PRKAG2: variants seen among roughly 807,000 people sequenced by gnomAD.
PRKAG2 encodes the protein protein kinase AMP-activated non-catalytic subunit gamma 2, also known as 5'-AMP-activated protein kinase subunit gamma-2.
In PRKAG2, 26 loss-of-function variants were observed where a neutral mutation model predicts 69.6. The ratio of observed to expected loss-of-function variants is 0.37; its 90% CI spans 0.27 to 0.52. PRKAG2 has a LOEUF of 0.52. Ranked by LOEUF, PRKAG2 falls within the 20% of genes least tolerant of loss-of-function variation. PRKAG2 has a pLI of 0.90. For missense variants in PRKAG2, 557 were observed against 740.0 expected, an observed-to-expected ratio of 0.75 and a Z score of 2.87; for synonymous variants, 293 against 285.0, an observed-to-expected ratio of 1.03 and a Z score of -0.28.
intron 1 of PRKAG2, among the ~76,000 whole-genome samples, chr7:151,791,851 T>G (rs1472141081): frequency 6.6e-6 from 1 of 152,136 alleles, no homozygotes; most frequent in Admixed American, 6.5e-5. Context: ...TAGTATGTCC[T>G]TCTGAAATCT....
At chr7:151,834,606 A>T (rs2079105927) in intron 1 of PRKAG2, among the ~76,000 whole-genome samples, 1 of 152,204 alleles carries the variant, frequency 6.6e-6, no homozygotes, top group Non-Finnish European at 1.5e-5. Flanking sequence ...GGGAGGAGGA[A>T]CACCCAGCAC....
chr7:151,749,693 A>G (rs138641151), intron 3 of PRKAG2, among the ~76,000 whole-genome samples: 3 of 152,318 alleles, frequency 2.0e-5, no homozygotes, highest in African/African-American at 4.8e-5. Context: ...CAGGTGGCCA[A>G]AAGGTACAAG....
intron 1 of PRKAG2, among the ~76,000 whole-genome samples, chr7:151,794,897 G>A (rs1237711228): frequency 2.0e-5 from 3 of 152,226 alleles, no homozygotes; most frequent in Admixed American, 6.5e-5. Context: ...CTCCATGGAA[G>A]CTTGGAGGGA....
intron 3 of PRKAG2, among the ~76,000 whole-genome samples, chr7:151,677,020 C>A (rs1471142919): frequency 6.6e-6 from 1 of 152,206 alleles, no homozygotes; most frequent in African/African-American, 2.4e-5. Flanking sequence ...GCGCTGCCAA[C>A]ACCTCGATTT....
chr7:151,816,595 C>G (rs888424732), intron 1 of PRKAG2, among the ~76,000 whole-genome samples: 1 of 152,242 alleles, frequency 6.6e-6, no homozygotes, highest in African/African-American at 2.4e-5. Flanking sequence ...CGGGATTATT[C>G]TGGAACCAGA....
chr7:151,610,175 C>T (rs1346362175), intron 5 of PRKAG2, among the ~76,000 whole-genome samples: 1 of 152,070 alleles, frequency 6.6e-6, no homozygotes, highest in African/African-American at 2.4e-5. Flanking sequence ...ACCATCCTGG[C>T]TAACACGGTG....
chr7:151,786,398 T>A (rs925913599), intron 2 of PRKAG2, 72 bp downstream of exon 2: 67 of 1,418,136 alleles, frequency 4.7e-5, no homozygotes, highest in Non-Finnish European at 6.4e-5. Context: ...CAGGTGGAAG[T>A]GGGCTCAGGC....
chr7:151,825,576 A>G (rs753893333), intron 1 of PRKAG2, among the ~76,000 whole-genome samples: 14 of 152,190 alleles, frequency 9.2e-5, no homozygotes, highest in Non-Finnish European at 1.6e-4. Context: ...GATGAAGCAC[A>G]AGTCTCCGCC....
At chr7:151,724,415 C>T (rs1202323965) in intron 3 of PRKAG2, among the ~76,000 whole-genome samples, 1 of 152,114 alleles carries the variant, frequency 6.6e-6, no homozygotes, top group Non-Finnish European at 1.5e-5. Flanking sequence ...TGCTGTCCCT[C>T]AGAGGTTGCA....
intron 3 of PRKAG2, among the ~76,000 whole-genome samples, chr7:151,729,797 G>A (rs1438700478): frequency 2.6e-5 from 4 of 152,128 alleles, no homozygotes; most frequent in Non-Finnish European, 4.4e-5. Context: ...TCTCGGAAGG[G>A]TCTGAGCACA....
chr7:151,790,991 G>A (rs560524227), intron 1 of PRKAG2, among the ~76,000 whole-genome samples: 9 of 152,370 alleles, frequency 5.9e-5, no homozygotes, highest in African/African-American at 2.2e-4. Context: ...TCCCACGCAG[G>A]TGTCTCGGGC....
intron 1 of PRKAG2, among the ~76,000 whole-genome samples, chr7:151,813,004 G>GC (rs1472774471): frequency 6.6e-6 from 1 of 151,914 alleles, no homozygotes; most frequent in Non-Finnish European, 1.5e-5. Flanking sequence ...GCAAGTTGGG[G>GC]AAGCAGCTGG....
At chr7:151,829,935 C>A (rs1402478327) in intron 1 of PRKAG2, among the ~76,000 whole-genome samples, 2 of 151,730 alleles carry the variant, frequency 1.3e-5, no homozygotes, top group Non-Finnish European at 2.9e-5. Flanking sequence ...GGCGCAGACA[C>A]CCCCCTGAGG....
chr7:151,694,260 T>C (rs539033389), intron 3 of PRKAG2, among the ~76,000 whole-genome samples: 1 of 152,378 alleles, frequency 6.6e-6, no homozygotes, highest in Non-Finnish European at 1.5e-5. Context: ...GCTAATTTGT[T>C]GATCCAAACA....
At chr7:151,852,361 A>C (rs867895573) in intron 1 of PRKAG2, among the ~76,000 whole-genome samples, 1 of 152,140 alleles carries the variant, frequency 6.6e-6, no homozygotes, top group African/African-American at 2.4e-5. Flanking sequence ...CGGGCATGGT[A>C]GCACACGCAT....
At chr7:151,711,845 G>C (rs550376269) in intron 3 of PRKAG2, among the ~76,000 whole-genome samples, 2 of 152,320 alleles carry the variant, frequency 1.3e-5, no homozygotes, top group South Asian at 4.1e-4. Flanking sequence ...CTACAATTTA[G>C]AAATCTTTGG....
chr7:151,801,682 C>G (rs1232893800), intron 1 of PRKAG2, among the ~76,000 whole-genome samples: 1 of 152,168 alleles, frequency 6.6e-6, no homozygotes, highest in African/African-American at 2.4e-5. Flanking sequence ...TTGTTGCCAA[C>G]AAACTCATTC....
intron 3 of PRKAG2, among the ~76,000 whole-genome samples, chr7:151,722,071 A>T (rs565883597): frequency 6.6e-6 from 1 of 152,188 alleles, no homozygotes; most frequent in East Asian, 1.9e-4. Context: ...TGTGAATATG[A>T]TGGATGTTGT....
intron 11 of PRKAG2, among the ~76,000 whole-genome samples, chr7:151,566,189 A>G (rs1305105308): frequency 6.6e-6 from 1 of 152,222 alleles, no homozygotes; most frequent in Non-Finnish European, 1.5e-5. Flanking sequence ...GAACAGGTCT[A>G]TTTGGGATAT....
Sources: allele counts gnomAD v4.1 joint callset (sites outside exome capture counted in the v4.1 genomes callset), GRCh38; gene constraint gnomAD v4.1.1; transcripts MANE v1.5; gene names NCBI Gene and HGNC (gene_info 2026-07-23, HGNC 2026-07-21).